The following SHISA9 variants were observed in gnomAD, a reference collection of about 807,000 sequenced individuals.
SHISA9 encodes the protein shisa family member 9, also known as protein shisa-9.
In SHISA9, 13 loss-of-function variants were observed where a neutral mutation model predicts 38.0. The ratio of observed to expected loss-of-function variants is 0.34; its 90% CI spans 0.22 to 0.54. SHISA9 has a LOEUF of 0.54. Among genes scored for constraint, SHISA9 ranks in the 20% least tolerant of loss-of-function variants. The pLI, the probability that SHISA9 is intolerant of heterozygous loss-of-function variation, is 0.91. For missense variants in SHISA9, 538 were observed against 575.8 expected (o/e 0.93, Z 0.67); for synonymous variants, 275 against 242.0 (o/e 1.14, Z -1.27).
the SHISA9 span, among the ~76,000 whole-genome samples, chr16:13,408,534 T>A: frequency 6.6e-6 from 1 of 152,206 alleles, no homozygotes; most frequent in Non-Finnish European, 1.5e-5. Context: ...GATAAAAATT[T>A]AATATTATTA....
the SHISA9 span, among the ~76,000 whole-genome samples, chr16:13,250,433 G>A: frequency 6.6e-6 from 1 of 152,156 alleles, no homozygotes; most frequent in African/African-American, 2.4e-5. Flanking sequence ...AGACTCCTAA[G>A]AGCATTAGGA....
intron 2 of SHISA9, among the ~76,000 whole-genome samples, chr16:13,042,975 A>G (rs1482112813): frequency 6.6e-6 from 1 of 152,218 alleles, no homozygotes; most frequent in East Asian, 1.9e-4. Flanking sequence ...TCTAGAACAG[A>G]TAAACCCTGG....
chr16:13,397,494 G>A, the SHISA9 span, among the ~76,000 whole-genome samples: 1 of 152,168 alleles, frequency 6.6e-6, no homozygotes, highest in Non-Finnish European at 1.5e-5. Flanking sequence ...CAGTACAGTA[G>A]TGCAATCTTG....
chr16:13,138,174 TGGACTA>T (rs1393522521), intron 2 of SHISA9, among the ~76,000 whole-genome samples: 1 of 152,126 alleles, frequency 6.6e-6, no homozygotes, highest in South Asian at 2.1e-4. Context: ...CTGTGTTCTG[TGGACTA>T]GCAACAGCAG....
At chr16:13,479,521 TCCA>T in the SHISA9 span, among the ~76,000 whole-genome samples, 3 of 152,106 alleles carry the variant, frequency 2.0e-5, no homozygotes, top group Non-Finnish European at 4.4e-5. Context: ...TAATCTATAT[TCCA>T]CCAGGTAATC....
the SHISA9 span, among the ~76,000 whole-genome samples, chr16:13,423,475 C>T: frequency 6.6e-6 from 1 of 152,182 alleles, no homozygotes; most frequent in African/African-American, 2.4e-5. Flanking sequence ...TCAGTATCTC[C>T]GAGAGAGATC....
rs1259455911 is a variant in SHISA9, at chr16:13,145,619, A to C, written c.692-57775A>C. On this transcript the variant is annotated intron_variant, in intron 2 of 4. Coordinates refer to ENST00000558583, the MANE Select transcript of SHISA9 (RefSeq NM_001145204.3). ...TAGATTACTTAGCTTGCTTACCTAC[A>C]AAAGGGAATAATCGTGATTTTTGTT... Among the ~76,000 whole-genome samples the C allele has an allele frequency of 3.3e-5, 5 of 152,356 alleles. No individual in the cohort carries two copies. In the East Asian group the frequency reaches 9.6e-4, roughly 29 times the overall value.
At chr16:13,262,662 A>AGGG in the SHISA9 span, among the ~76,000 whole-genome samples, 536 of 52,358 alleles carry the variant, frequency 0.01, 4 homozygotes, top group Middle Eastern at 0.056. Context: ...GGAAGGAAGG[A>AGGG]AGGAAGGAAG....
chr16:13,332,367 T>C, the SHISA9 span, among the ~76,000 whole-genome samples: 6 of 152,214 alleles, frequency 3.9e-5, no homozygotes, highest in African/African-American at 1.4e-4. Context: ...TGGACCCATC[T>C]GCCTCTTGAC....
At chr16:13,532,561 G>GTA in the SHISA9 span, among the ~76,000 whole-genome samples, 1 of 146,726 alleles carries the variant, frequency 6.8e-6, no homozygotes. Flanking sequence ...GTGTGTATGT[G>GTA]TGTGTGTGTG....
At chr16:13,385,807 A>G in the SHISA9 span, among the ~76,000 whole-genome samples, 2 of 152,214 alleles carry the variant, frequency 1.3e-5, no homozygotes, top group Non-Finnish European at 2.9e-5. Context: ...ACCATGAAAT[A>G]CTACTCAGCA....
downstream of SHISA9, among the ~76,000 whole-genome samples, chr16:13,241,659 A>C (rs558299513): frequency 6.6e-6 from 1 of 152,256 alleles, no homozygotes; most frequent in African/African-American, 2.4e-5. Context: ...GTCCCTGGGG[A>C]ATGAAACTTC....
At chr16:13,229,433 C>T (rs978967092) in intron 4 of SHISA9, among the ~76,000 whole-genome samples, 2 of 152,118 alleles carry the variant, frequency 1.3e-5, no homozygotes, top group African/African-American at 2.4e-5. Flanking sequence ...GTGATACTTC[C>T]CTTTAGTTCT....
intron 2 of SHISA9, among the ~76,000 whole-genome samples, chr16:12,960,784 C>T (rs934034344): frequency 6.6e-6 from 1 of 152,172 alleles, no homozygotes; most frequent in Non-Finnish European, 1.5e-5. Flanking sequence ...GTCCTCTTCC[C>T]TCCTCTCCAA....
chr16:12,982,080 G>A (rs558104598), intron 2 of SHISA9, among the ~76,000 whole-genome samples: 10 of 152,208 alleles, frequency 6.6e-5, no homozygotes, highest in African/African-American at 1.9e-4. Context: ...ATTACTATAC[G>A]CCAGGCACTA....
chr16:13,522,710 C>T, the SHISA9 span, among the ~76,000 whole-genome samples: 6 of 152,166 alleles, frequency 3.9e-5, no homozygotes, highest in Non-Finnish European at 5.9e-5. Flanking sequence ...ATGTAGGCCA[C>T]AGCCATCCCT....
At chr16:13,491,818 CTTTTTTTTTTTTTTTTTTTTT>C in the SHISA9 span, among the ~76,000 whole-genome samples, 24 of 44,554 alleles carry the variant, frequency 5.4e-4, no homozygotes, top group African/African-American at 2.0e-3. Flanking sequence ...ATTTATTGAC[CTTTTTTTTTTTTTTTTTTTTT>C]TTTTTTTTTT....
intron 2 of SHISA9, among the ~76,000 whole-genome samples, chr16:13,139,660 A>G (rs1368968555): frequency 6.6e-6 from 1 of 152,046 alleles, no homozygotes; most frequent in African/African-American, 2.4e-5. Context: ...TGTCTTGGAA[A>G]CAATTCTTCA....
At chr16:13,234,991 C>G in intron 4 of SHISA9, 39 bp from the exon 5 acceptor site, 1 of 1,496,464 alleles carries the variant, frequency 6.7e-7, no homozygotes, top group South Asian at 1.3e-5. Flanking sequence ...TCTCTCTTCT[C>G]TTTCTTCCCC....
Sources: allele counts gnomAD v4.1 joint callset (sites outside exome capture counted in the v4.1 genomes callset), GRCh38; gene constraint gnomAD v4.1.1; transcripts MANE v1.5; gene names NCBI Gene and HGNC (gene_info 2026-07-23, HGNC 2026-07-21).